THNSL1: variants seen among roughly 807,000 people sequenced by gnomAD.
THNSL1 encodes threonine synthase like 1.
Under a neutral mutation model 50.4 loss-of-function variants are expected in THNSL1, and 48 were observed. The observed-to-expected ratio is 0.95, with a 90% confidence interval of 0.76 to 1.21. The LOEUF is 1.21. Among genes scored for constraint, THNSL1 ranks in the 50% most tolerant of loss-of-function variants. THNSL1 has a pLI of 0.00. For synonymous variants in THNSL1, 309 were observed against 306.1 expected (o/e 1.01, Z -0.10); for missense variants, 896 against 871.7 (o/e 1.03, Z -0.35).
chr10:25,018,387 G>C (rs1195417353), intron 1 of THNSL1, among the ~76,000 whole-genome samples: 1 of 152,196 alleles, frequency 6.6e-6, no homozygotes, highest in Non-Finnish European at 1.5e-5. Context: ...TGAACAAACT[G>C]TCTATAAAGG....
chr10:25,007,726 G>A, the THNSL1 span, among the ~76,000 whole-genome samples: 4 of 152,122 alleles, frequency 2.6e-5, no homozygotes, highest in South Asian at 2.1e-4. Context: ...GAGCGACTGC[G>A]CCCAGCCACG....
the THNSL1 span, among the ~76,000 whole-genome samples, chr10:24,960,776 G>C: frequency 6.6e-6 from 1 of 151,696 alleles, no homozygotes; most frequent in African/African-American, 2.4e-5. Context: ...TTTTAATGGA[G>C]ACAGGGTCTC....
In THNSL1 at chr10:25,025,184, A is replaced by C. The variant is rs1462493487; in HGVS notation, c.1961A>C (p.Gln654Pro). ...GCAAAAGTGGTTGCAGATAGGGTGC[A>C]AGACAAAACTTGCCCTGTGATTATC... is the stretch of plus-strand genomic sequence containing the variant. Reference protein sequence around the residue: ...AVAKVVADRVQDKTCPVIISS... With the variant: ...AVAKVVADRVPDKTCPVIISS... Residue 654 changes from glutamine (Q) to proline (P), a missense_variant, in exon 3 of 3, where the codon CAA becomes CCA. Transcript: ENST00000376356. 6.2e-7 allele frequency: 1 copy of C among 1,614,214 alleles called. No individual in the cohort carries two copies. Among genetic ancestry groups the C allele is most frequent in the East Asian group, 2.2e-5 (1 of 44,882 alleles).
chr10:24,952,385 G>T, the THNSL1 span: 1 of 950,312 alleles, frequency 1.1e-6, no homozygotes, highest in Non-Finnish European at 1.6e-6. The surrounding 1 kb of genome is among the most constrained non-coding windows in gnomAD (Gnocchi z 5.1). Context: ...CGGGTCCGAG[G>T]ATGGAAGCGA....
chr10:25,011,416 GT>G, the THNSL1 span, among the ~76,000 whole-genome samples: 1 of 152,086 alleles, frequency 6.6e-6, no homozygotes, highest in Non-Finnish European at 1.5e-5. Context: ...TCTGATGGTA[GT>G]TTCTTTTGCT....
the THNSL1 span, among the ~76,000 whole-genome samples, chr10:25,002,365 A>G: frequency 6.6e-6 from 1 of 152,174 alleles, no homozygotes; most frequent in Admixed American, 6.5e-5. Flanking sequence ...CTGTGCTGTG[A>G]ATTCTAGCAG....
chr10:24,976,916 A>T, the THNSL1 span, among the ~76,000 whole-genome samples: 1 of 152,190 alleles, frequency 6.6e-6, no homozygotes, highest in Non-Finnish European at 1.5e-5. Context: ...TCCAGATTAA[A>T]CCAATGAATT....
At chr10:25,019,145 AT>A (rs1443505027) in intron 1 of THNSL1, among the ~76,000 whole-genome samples, 1 of 152,154 alleles carries the variant, frequency 6.6e-6, no homozygotes, top group Non-Finnish European at 1.5e-5. Context: ...TGAATTTCCC[AT>A]TCTCAGATTC....
chr10:24,967,995 A>ATGTGTGTGTGTGTG, the THNSL1 span, among the ~76,000 whole-genome samples: 16 of 139,676 alleles, frequency 1.1e-4, no homozygotes, highest in African/African-American at 3.1e-4. Flanking sequence ...TATGTGTATG[A>ATGTGTGTGTGTGTG]TGTGTGTGTG....
the THNSL1 span, among the ~76,000 whole-genome samples, chr10:24,959,411 T>C: frequency 6.6e-6 from 1 of 152,154 alleles, no homozygotes; most frequent in Non-Finnish European, 1.5e-5. Context: ...GGTTGAGAGA[T>C]GTGGCTTGAG....
At chr10:24,961,178 C>A in the THNSL1 span, among the ~76,000 whole-genome samples, 1 of 152,192 alleles carries the variant, frequency 6.6e-6, no homozygotes, top group Admixed American at 6.5e-5. Flanking sequence ...GTTTATCTTA[C>A]CTAGTTGTGA....
At chr10:25,010,617 C>T in the THNSL1 span, among the ~76,000 whole-genome samples, 2,467 of 150,774 alleles carry the variant, frequency 0.016, 73 homozygotes, top group African/African-American at 0.057. Flanking sequence ...ACAACAGTCC[C>T]CAGAGTGTGA....
chr10:24,965,324 G>A, the THNSL1 span, among the ~76,000 whole-genome samples: 2 of 152,086 alleles, frequency 1.3e-5, no homozygotes, highest in East Asian at 1.9e-4. Flanking sequence ...ATTCTTCCGC[G>A]TTTCCTCCTT....
chr10:25,017,089 C>T (rs1042863151), intron 1 of THNSL1, among the ~76,000 whole-genome samples: 1 of 152,212 alleles, frequency 6.6e-6, no homozygotes, highest in African/African-American at 2.4e-5. Context: ...TGCTCTTCCC[C>T]GGGTCGGGAC....
chr10:25,023,413 C>G lies in THNSL1; in HGVS notation c.190C>G (p.Pro64Ala). ...GDKNIILMGP[P>A]GAGKTTVGRI... ...CAAAAATATTATCCTGATGGGACCT[C>G]CTGGTGCTGGGAAAACAACAGTAGG... The change falls in exon 3 of 3, where the codon CCT becomes GCT. Residue 64 changes from proline (P) to alanine (A), a missense_variant. Transcript: ENST00000376356. 1 of 1,614,100 alleles carries G rather than the reference C, an allele frequency of 6.2e-7. No individual in the cohort carries two copies. The highest frequency in any genetic ancestry group is 8.5e-7 in the Non-Finnish European group (1 of 1,180,008).
At chr10:24,988,058 T>C in the THNSL1 span, among the ~76,000 whole-genome samples, 657 of 151,494 alleles carry the variant, frequency 4.3e-3, 4 homozygotes, top group Non-Finnish European at 7.6e-3. Flanking sequence ...CCATCTTTAC[T>C]AAAAAATACA....
the THNSL1 span, chr10:24,984,755 T>C: frequency 3.7e-6 from 6 of 1,612,286 alleles, no homozygotes; most frequent in Non-Finnish European, 5.1e-6. Context: ...ATATAAATAA[T>C]CTTGTGCTTT....
chr10:25,022,720 A>T (rs1850749430), intron 2 of THNSL1, among the ~76,000 whole-genome samples: 1 of 152,204 alleles, frequency 6.6e-6, no homozygotes, highest in South Asian at 2.1e-4. Context: ...TATAAAGAAT[A>T]TTGTTCAACT....
intron 1 of THNSL1, among the ~76,000 whole-genome samples, chr10:25,018,643 TAAAC>T (rs1341967420): frequency 7.1e-6 from 1 of 139,986 alleles, no homozygotes; most frequent in Non-Finnish European, 1.5e-5. Context: ...GTGATGTACA[TAAAC>T]AAATGAGAGT....
Sources: allele counts gnomAD v4.1 joint callset (sites outside exome capture counted in the v4.1 genomes callset), GRCh38; gene constraint gnomAD v4.1.1; non-coding constraint Gnocchi (gnomAD v3.1); transcripts MANE v1.5; gene names NCBI Gene and HGNC (gene_info 2026-07-23, HGNC 2026-07-21).